The following PARD3B variants were observed in gnomAD, a reference collection of about 807,000 sequenced individuals.
The protein encoded by PARD3B is par-3 family cell polarity regulator beta, also known as partitioning defective 3 homolog B.
PARD3B carries 103 observed loss-of-function variants against 130.2 expected under a neutral mutation model. That is an observed-to-expected ratio of 0.79 (90% CI 0.67 to 0.93). The LOEUF is 0.93. Ranked by LOEUF, PARD3B falls within the 40% of genes least tolerant of loss-of-function variation. The probability of loss-of-function intolerance (pLI) is 0.00; values close to 1 mark genes in which losing one functional copy is unlikely to be tolerated. For missense variants in PARD3B, 1,609 were observed against 1,499.2 expected (o/e 1.07, Z -1.21); for synonymous variants, 583 against 553.2 (o/e 1.05, Z -0.76).
At chr2:205,197,028 GGGGGGTGTGTGTGTGT>G (rs2036722469) in intron 15 of PARD3B, among the ~76,000 whole-genome samples, 1 of 9,482 alleles carries the variant, frequency 1.1e-4, no homozygotes, top group Admixed American at 1.2e-3. Flanking sequence ...CACTGTGGGG[GGGGGGTGTGTGTGTGT>G]GTGTGTGTGT....
intron 3 of PARD3B, among the ~76,000 whole-genome samples, chr2:205,019,882 A>G (rs574645465): frequency 6.6e-6 from 1 of 152,278 alleles, no homozygotes; most frequent in East Asian, 1.9e-4. Context: ...TGGCAGAGGA[A>G]ATCTCCAGAG....
chr2:204,783,953 TC>T (rs1016371892), intron 2 of PARD3B, among the ~76,000 whole-genome samples: 9 of 152,180 alleles, frequency 5.9e-5, no homozygotes, highest in Non-Finnish European at 1.3e-4. Context: ...TGTAATTCAT[TC>T]TTTACCTATT....
At chr2:204,554,782 G>A (rs1379732494) in intron 1 of PARD3B, among the ~76,000 whole-genome samples, 2 of 152,114 alleles carry the variant, frequency 1.3e-5, no homozygotes, top group Non-Finnish European at 2.9e-5. Context: ...GGCCTTGGAA[G>A]TGCTACATGA....
intron 2 of PARD3B, among the ~76,000 whole-genome samples, chr2:204,781,292 A>G (rs2041828118): frequency 6.6e-6 from 1 of 152,174 alleles, no homozygotes; most frequent in Non-Finnish European, 1.5e-5. Context: ...ACTTTCATGT[A>G]CATTTACAGA....
chr2:205,259,513 C>T (rs77264883), intron 16 of PARD3B, among the ~76,000 whole-genome samples: 2,120 of 152,238 alleles, frequency 0.014, 22 homozygotes, highest in Non-Finnish European at 0.022. Flanking sequence ...TTGACGTTCA[C>T]TTTCACTACA....
chr2:205,399,464 C>T (rs968615985), intron 18 of PARD3B, among the ~76,000 whole-genome samples: 1 of 151,720 alleles, frequency 6.6e-6, no homozygotes, highest in Non-Finnish European at 1.5e-5. Flanking sequence ...AAGTGATTCT[C>T]CTGCCTCAGC....
chr2:205,522,513 TTAATTAAAATCAAAA>T (rs1237499560), intron 21 of PARD3B, among the ~76,000 whole-genome samples: 1 of 152,120 alleles, frequency 6.6e-6, no homozygotes, highest in Non-Finnish European at 1.5e-5. Context: ...AAAAATTAAA[TTAATTAAAATCAAAA>T]TAATGATTTT....
intron 19 of PARD3B, among the ~76,000 whole-genome samples, chr2:205,408,940 T>G (rs189185028): frequency 7.2e-4 from 109 of 152,248 alleles, no homozygotes; most frequent in Non-Finnish European, 6.6e-4. Context: ...AGATCCCAGT[T>G]TTTCAAAATG....
At chr2:205,081,073 T>A (rs951733706) in intron 4 of PARD3B, among the ~76,000 whole-genome samples, 14 of 152,192 alleles carry the variant, frequency 9.2e-5, no homozygotes, top group Admixed American at 8.5e-4. Context: ...TGCTTGTGTC[T>A]TGCTCTTTTC....
At chr2:205,066,818 A>T (rs1700408753) in intron 4 of PARD3B, among the ~76,000 whole-genome samples, 1 of 152,150 alleles carries the variant, frequency 6.6e-6, no homozygotes, top group Non-Finnish European at 1.5e-5. Context: ...CATTTAAATC[A>T]TCAAGTTATT....
chr2:205,530,466 TTTG>T lies in PARD3B; in HGVS notation c.3181-22855_3181-22853del, dbSNP rs1484600062. Among the ~76,000 whole-genome samples the T allele has an allele frequency of 1.3e-5, 2 of 152,234 alleles. No individual in the cohort carries two copies. Among genetic ancestry groups the T allele is most frequent in the African/African-American group, 4.8e-5 (2 of 41,464 alleles). On this transcript the variant is annotated intron_variant, in intron 21 of 22. Coordinates refer to ENST00000406610, the MANE Select transcript of PARD3B (RefSeq NM_001302769.2). This position sits in a 1 kb window ranked among gnomAD's most constrained non-coding sequence, Gnocchi z 4.7. ...ATGTTTGTTGATTCGTTATTGTCTT[TTTG>T]TTTTTATTTTCTCCTTTTCTGCTTT...
At chr2:205,551,002 CAT>C (rs2052621037) in intron 21 of PARD3B, among the ~76,000 whole-genome samples, 3 of 137,028 alleles carry the variant, frequency 2.2e-5, no homozygotes, top group South Asian at 2.3e-4. Context: ...CACACACACA[CAT>C]AATCTGTTCC....
intron 16 of PARD3B, among the ~76,000 whole-genome samples, chr2:205,264,202 AT>A (rs1389140502): frequency 6.6e-6 from 1 of 151,052 alleles, no homozygotes; most frequent in East Asian, 1.9e-4. Flanking sequence ...AGCGATACAG[AT>A]TTAGAAGTCA....
At chr2:204,991,099 A>G (rs1421336445) in intron 3 of PARD3B, among the ~76,000 whole-genome samples, 1 of 151,786 alleles carries the variant, frequency 6.6e-6, no homozygotes, top group East Asian at 1.9e-4. Flanking sequence ...ATACTTATAT[A>G]AGTTTTAGGG....
chr2:205,565,468 G>A (rs751295622), intron 22 of PARD3B, among the ~76,000 whole-genome samples: 2 of 152,132 alleles, frequency 1.3e-5, no homozygotes, highest in African/African-American at 2.4e-5. Flanking sequence ...ACAGTTTCTA[G>A]CCAGTGTTTT....
At chr2:204,780,431 T>G (rs1211886070) in intron 2 of PARD3B, among the ~76,000 whole-genome samples, 1 of 152,196 alleles carries the variant, frequency 6.6e-6, no homozygotes, top group Non-Finnish European at 1.5e-5. Flanking sequence ...AAAGCCTGCA[T>G]GAAACAGATT....
chr2:205,025,841 CT>C (rs1276119266), intron 3 of PARD3B, among the ~76,000 whole-genome samples: 2 of 152,108 alleles, frequency 1.3e-5, no homozygotes, highest in Admixed American at 1.3e-4. Flanking sequence ...TGTACCTGAC[CT>C]AATAAGTTGA....
intron 1 of PARD3B, among the ~76,000 whole-genome samples, chr2:204,585,388 A>C (rs2032771806): frequency 6.6e-6 from 1 of 151,946 alleles, no homozygotes; most frequent in African/African-American, 2.4e-5. Flanking sequence ...GCTGGAGTGC[A>C]GTGGTGCAAT....
chr2:205,428,689 G>C (rs944936684), intron 19 of PARD3B, among the ~76,000 whole-genome samples: 2 of 152,052 alleles, frequency 1.3e-5, no homozygotes, highest in African/African-American at 2.4e-5. Flanking sequence ...TCAAGATTTT[G>C]CATTTAAAGG....
Sources: gnomAD v4.1 joint callset for allele counts (sites outside exome capture counted in the v4.1 genomes callset) on GRCh38, gnomAD v4.1.1 for gene constraint, Gnocchi (gnomAD v3.1) non-coding constraint, MANE v1.5 for transcripts, NCBI Gene and HGNC (gene_info 2026-07-23, HGNC 2026-07-21) for gene names.